The following ABCA2 variants were observed in gnomAD, a reference collection of about 807,000 sequenced individuals.
ABCA2 encodes ATP-binding cassette sub-family A member 2.
Under a neutral mutation model 262.8 loss-of-function variants are expected in ABCA2, and 84 were observed. The observed-to-expected ratio is 0.32, with a 90% CI of 0.27 to 0.38. The LOEUF is 0.38. Ranked by LOEUF, ABCA2 falls within the 10% of genes least tolerant of loss-of-function variation. The pLI, the probability that ABCA2 is intolerant of heterozygous loss-of-function variation, is 1.00. For missense variants in ABCA2, 2,662 were observed against 3,405.9 expected, an observed-to-expected ratio of 0.78 and a Z score of 5.44; for synonymous variants, 1,696 against 1,502.9, an observed-to-expected ratio of 1.13 and a Z score of -2.97.
chr9:137,025,152 G>A (rs909925529), intron 1 of ABCA2, among the ~76,000 whole-genome samples: 4 of 152,132 alleles, frequency 2.6e-5, no homozygotes, highest in African/African-American at 9.7e-5. Context: ...GTTTCCCCAG[G>A]TCGGCTCCTG....
chr9:137,013,700 C>A, intron 28 of ABCA2, 132 bp downstream of exon 28: 1 of 1,345,492 alleles, frequency 7.4e-7, no homozygotes, highest in Middle Eastern at 2.3e-4. Context: ...CCCGGATGAA[C>A]CCCGGTGCGT....
chr9:137,016,792 A>G, intron 19 of ABCA2, 54 bp from the exon 20 acceptor site: 1 of 1,539,114 alleles, frequency 6.5e-7, no homozygotes, highest in Non-Finnish European at 8.7e-7. Flanking sequence ...GTGACCATCC[A>G]CCACGTGGGC....
chr9:137,016,136 G>C lies in ABCA2; in HGVS notation c.3143C>G (p.Ser1048Cys). Residue 1048 changes from serine to cysteine, a missense_variant, in exon 22 of 49, where the codon TCC (serine) becomes TGC (cysteine). Ser to Cys is a moderately radical substitution (Grantham distance 112). This residue lies in a region of ABCA2 where 180 missense variants were observed against 307.3 expected (regional missense o/e 0.59). Transcript: ENST00000341511. ...LTGLFPPTSGSATIYGHDIRT... is the reference protein window; with the variant it reads ...LTGLFPPTSGCATIYGHDIRT... ...GATGTCGTGCCCGTAGATGGTGGCG[G>C]AACCCGACGTTGGAGGGAACAGGCC... is the stretch of plus-strand genomic sequence containing the variant. 1 of 1,612,852 alleles carries C rather than the reference G, an allele frequency of 6.2e-7. No homozygotes were observed. The highest frequency in any genetic ancestry group is 2.2e-5 in the East Asian group (1 of 44,876).
At chr9:137,023,902 G>T in intron 2 of ABCA2, 62 bp from the exon 3 acceptor site, 1 of 1,059,522 alleles carries the variant, frequency 9.4e-7, no homozygotes, top group Non-Finnish European at 1.4e-6. Context: ...ACAGAACAGA[G>T]GAGACCAGTG....
In ABCA2 at chr9:137,019,480, T is replaced by A; in HGVS notation, c.1426-174A>T. On this transcript the variant is annotated intron_variant, in intron 10 of 48. Coordinates refer to ENST00000341511, the MANE Select transcript of ABCA2 (RefSeq NM_001606.5). The surrounding 1 kb of genome is among the most constrained non-coding windows in gnomAD (Gnocchi z 4.4). ...CTCAGTCACCCACGCTGGAGTGCAG[T>A]GGTGCAGTCCCAGCTCACTGCAGCC... The A allele has an allele frequency of 1.4e-6, 1 of 702,192 alleles. No homozygotes were observed. The highest frequency in any genetic ancestry group is 2.3e-6 in the Non-Finnish European group (1 of 438,952). The allele number at this position is 702,192 out of a possible 1,614,324, so 43.5% of individuals were successfully genotyped here. A position where few individuals can be genotyped will look rare whatever the true frequency, so the allele number is the denominator to read the frequency against.
In ABCA2 at chr9:137,019,941, C is replaced by T. The variant is rs1831393547; in HGVS notation, c.1425+395G>A. Reference sequence around the variant, plus strand: ...AGGATTGGCCTCGTCCACAGGCCCTCCCCTCCCAGGCCAATGTCCAGCCCT... The same window carrying T: ...AGGATTGGCCTCGTCCACAGGCCCTTCCCTCCCAGGCCAATGTCCAGCCCT... On this transcript the variant is annotated intron_variant, in intron 10 of 48. Transcript: ENST00000341511. The surrounding 1 kb of genome is among the most constrained non-coding windows in gnomAD (Gnocchi z 4.4). 1.3e-5 allele frequency: 3 copies of T among 238,790 alleles called. No individual in the cohort carries two copies. Among genetic ancestry groups the T allele is most frequent in the East Asian group, 1.2e-4 (1 of 8,246 alleles). The allele number at this position is 238,790 out of a possible 1,614,324, so 14.8% of individuals were successfully genotyped here. A position where few individuals can be genotyped will look rare whatever the true frequency, so the allele number is the denominator to read the frequency against.
At position 137,018,737 on chromosome 9, in the gene ABCA2, T is replaced by C; in HGVS notation, c.1801A>G (p.Asn601Asp). 3 of 1,611,630 alleles carry C rather than the reference T, an allele frequency of 1.9e-6. No individual in the cohort carries two copies. Among genetic ancestry groups the C allele is most frequent in the East Asian group, 2.2e-5 (1 of 44,830 alleles). Residue 601 changes from asparagine to aspartate, a missense_variant, in exon 13 of 49, where the codon AAC (asparagine) becomes GAC (aspartate). Around this residue, in one of 12 missense-constraint regions of ABCA2, gnomAD observed 187 missense variants for 205.9 expected, o/e 0.91. Coordinates refer to ENST00000341511, the MANE Select transcript of ABCA2 (RefSeq NM_001606.5). ...NYTLNQAYQD[N>D]VTVFASVIFQ... ...AGCTCACTGGCAAAAACAGTGACGT[T>C]GTCCTGGTAGGCCTGGTTGAGGGTG...
intron 1 of ABCA2, among the ~76,000 whole-genome samples, chr9:137,025,576 C>A (rs1272632547): frequency 1.3e-5 from 2 of 152,232 alleles, no homozygotes; most frequent in African/African-American, 4.8e-5. Flanking sequence ...GTGTCCCATG[C>A]CCGCCCCAGC....
At chr9:137,018,610 A>G (rs907857508) in intron 13 of ABCA2, 109 bp downstream of exon 13, 2 of 792,904 alleles carry the variant, frequency 2.5e-6, no homozygotes, top group African/African-American at 5.0e-5. Context: ...GTGAGGGGGG[A>G]AGGCCAGGGC....
chr9:137,010,466 AG>A, intron 40 of ABCA2, 95 bp from the exon 41 acceptor site: 1 of 955,564 alleles, frequency 1.0e-6, no homozygotes, highest in Non-Finnish European at 1.3e-6. Flanking sequence ...TCCAGAGCCC[AG>A]GGGGCCACGT....
chr9:137,024,449 T>C (rs1303004135), intron 1 of ABCA2, among the ~76,000 whole-genome samples: 1 of 152,096 alleles, frequency 6.6e-6, no homozygotes, highest in East Asian at 1.9e-4. Context: ...AGGTTTCCCG[T>C]CCCCAGCCCA....
chr9:137,019,883 C>T lies in ABCA2; in HGVS notation c.1425+453G>A, dbSNP rs545145387. The T allele has an allele frequency of 9.5e-6, 2 of 210,440 alleles. No individual in the cohort carries two copies. Among genetic ancestry groups the T allele is most frequent in the East Asian group, 1.4e-4 (1 of 7,038 alleles). The allele number at this position is 210,440 out of a possible 1,614,324, so 13.0% of individuals were successfully genotyped here. A position where few individuals can be genotyped will look rare whatever the true frequency, so the allele number is the denominator to read the frequency against. ...CACCCAATGCTCCACCCTCATCTGT[C>T]CCACCCTCATCCTAGGGACCCCCTC... On this transcript the variant is annotated intron_variant, in intron 10 of 48. Transcript: ENST00000341511. The surrounding 1 kb of genome is among the most constrained non-coding windows in gnomAD (Gnocchi z 4.4).
At chr9:137,008,900 G>GCCCCCCCCCCCCCCCGCCCCCC (rs59031144) in intron 46 of ABCA2, 32 bp from the exon 47 acceptor site, 3 of 1,535,810 alleles carry the variant, frequency 2.0e-6, no homozygotes, top group African/African-American at 2.8e-5. Flanking sequence ...GCCTGGCAGC[G>GCCCCCCCCCCCCCCCGCCCCCC]CCCCCCCACC....
chr9:137,010,130 G>T lies in ABCA2; in HGVS notation c.6354-6C>A. On this transcript the variant is annotated splice_polypyrimidine_tract_variant and splice_region_variant and intron_variant, in intron 41 of 48. Transcript: ENST00000341511. ...GGAGCAGCTCCTTCAGCACGCTGGG[G>T]ACACGGCAGCTGTCAGCGCGTGAGG... is the stretch of plus-strand genomic sequence containing the variant. 1 of 1,591,730 alleles carries T rather than the reference G, an allele frequency of 6.3e-7. No individual in the cohort carries two copies. The highest frequency in any genetic ancestry group is 1.3e-5 in the African/African-American group (1 of 74,736).
intron 24 of ABCA2, 84 bp from the exon 25 acceptor site, chr9:137,015,181 A>C: frequency 1.4e-6 from 2 of 1,437,452 alleles, no homozygotes; most frequent in Non-Finnish European, 1.9e-6. Context: ...GGGTCAAGAT[A>C]TGGGCATTGG....
At chr9:137,020,253 C>A (rs1423363447) in intron 10 of ABCA2, 83 bp downstream of exon 10, 5 of 1,580,016 alleles carry the variant, frequency 3.2e-6, no homozygotes, top group Admixed American at 1.7e-5. Flanking sequence ...ATTCTGCCGA[C>A]ACCCTCTGCC....
Position 137,011,755 on chromosome 9 carries a change from G to T in ABCA2, c.5536-6C>A, listed in dbSNP as rs756244531. The T allele has an allele frequency of 3.9e-5, 60 of 1,550,876 alleles. No homozygotes were observed. The Middle Eastern group carries it at 6.7e-4, about 17-fold the overall frequency. On this transcript the variant is annotated splice_polypyrimidine_tract_variant and splice_region_variant and intron_variant, in intron 35 of 48. Transcript: ENST00000341511. The surrounding 1 kb of genome is among the most constrained non-coding windows in gnomAD (Gnocchi z 8.8). ...GCGGGGACCAGGTAGTTGAGCTGCA[G>T]GGGTGGGGGCGGCTGGTGAGAGACC...
chr9:137,024,710 G>A (rs1390905713), intron 1 of ABCA2, among the ~76,000 whole-genome samples: 4 of 152,146 alleles, frequency 2.6e-5, no homozygotes, highest in African/African-American at 9.7e-5. Flanking sequence ...AGGCCTGGTT[G>A]AGAGGCTTGG....
rs1831252492 is a variant in ABCA2, at chr9:137,016,161, C to T, written c.3118G>A (p.Gly1040Ser). 1 of 1,612,674 alleles carries T rather than the reference C, an allele frequency of 6.2e-7. No homozygotes were observed. The highest frequency in any genetic ancestry group is 8.5e-7 in the Non-Finnish European group (1 of 1,179,928). The change falls in exon 22 of 49, where the codon GGC becomes AGC. Residue 1040 changes from glycine to serine, a missense_variant. By Grantham distance (56) the Gly-to-Ser change is moderately conservative. This residue lies in a region of ABCA2 where 180 missense variants were observed against 307.3 expected (regional missense o/e 0.59). Coordinates refer to ENST00000341511, the MANE Select transcript of ABCA2 (RefSeq NM_001606.5). ...GAACCCGACGTTGGAGGGAACAGGCCGGTCAGGATGGACCTGGGTAGGTGG... is the reference window on the plus strand; with the variant it reads ...GAACCCGACGTTGGAGGGAACAGGCTGGTCAGGATGGACCTGGGTAGGTGG... ...GKTTTMSILT[G>S]LFPPTSGSAT...
Sources: gnomAD v4.1 joint callset for allele counts (sites outside exome capture counted in the v4.1 genomes callset) on GRCh38, gnomAD v4.1.1 for gene constraint, gnomAD v4.1.1 regional missense constraint, Gnocchi (gnomAD v3.1) non-coding constraint, MANE v1.5 for transcripts, NCBI Gene and HGNC (gene_info 2026-07-23, HGNC 2026-07-21) for gene names.